The following VSTM4 variants were observed in gnomAD, a reference collection of about 807,000 sequenced individuals.
VSTM4 encodes the protein V-set and transmembrane domain containing 4.
In VSTM4, 20 loss-of-function variants were observed where a neutral mutation model predicts 36.4. That is an observed-to-expected ratio of 0.55 (90% confidence interval 0.39 to 0.80). The LOEUF is 0.80. Among genes scored for constraint, VSTM4 ranks in the 30% least tolerant of loss-of-function variants. The pLI, the probability that VSTM4 is intolerant of heterozygous loss-of-function variation, is 0.00. For missense variants in VSTM4, 392 were observed against 404.5 expected (o/e 0.97, Z 0.26); for synonymous variants, 182 against 173.9 (o/e 1.05, Z -0.37).
chr10:49,044,100 G>T (rs1843562678), intron 7 of VSTM4, among the ~76,000 whole-genome samples: 3 of 152,160 alleles, frequency 2.0e-5, no homozygotes, highest in Non-Finnish European at 4.4e-5. Context: ...CGCCGAGGTG[G>T]AAGGAACACT....
At chr10:49,068,366 G>T (rs747968007) in intron 4 of VSTM4, among the ~76,000 whole-genome samples, 12 of 152,168 alleles carry the variant, frequency 7.9e-5, no homozygotes, top group Admixed American at 5.2e-4. Context: ...GGAATGCAGG[G>T]AACAGTAGAG....
At position 49,016,899 on chromosome 10, in the gene VSTM4, A is replaced by G. The variant is rs1843112818; in HGVS notation, c.*2751T>C. ...TTCCTGTGCTGACTCCATGCCAACC[A>G]TGCCAAGGCCAAAACTCACCACCAA... On this transcript the variant is annotated 3_prime_UTR_variant, in exon 8 of 8. Transcript: ENST00000332853. The G allele has an allele frequency of 6.6e-6, 1 of 152,388 alleles. No individual in the cohort carries two copies. The highest frequency in any genetic ancestry group is 1.5e-5 in the Non-Finnish European group (1 of 68,072). The allele number at this position is 152,388 out of a possible 1,614,324, so 9.4% of individuals were successfully genotyped here.
intron 7 of VSTM4, among the ~76,000 whole-genome samples, chr10:49,046,403 A>G (rs1843611491): frequency 6.6e-6 from 1 of 152,244 alleles, no homozygotes; most frequent in Non-Finnish European, 1.5e-5. Context: ...GAGATCCTGG[A>G]TTTGGATCCT....
intron 2 of VSTM4, among the ~76,000 whole-genome samples, chr10:49,089,653 G>A (rs1844436257): frequency 6.6e-6 from 1 of 152,216 alleles, no homozygotes; most frequent in African/African-American, 2.4e-5. Flanking sequence ...TCACAGGACG[G>A]TGCAGCAACT....
chr10:49,074,580 T>G (rs1357792002), intron 4 of VSTM4, among the ~76,000 whole-genome samples: 1 of 152,192 alleles, frequency 6.6e-6, no homozygotes. Context: ...AGGCCCATCA[T>G]GCACGGTCCT....
intron 3 of VSTM4, among the ~76,000 whole-genome samples, chr10:49,082,055 A>G (rs963646824): frequency 1.3e-5 from 2 of 152,196 alleles, no homozygotes; most frequent in Non-Finnish European, 2.9e-5. Flanking sequence ...TTAAACTCTG[A>G]GCCATTGAAG....
In VSTM4 at chr10:49,019,764, A is replaced by G; in HGVS notation, c.849T>C (p.Ala283=). ...PQRKVTLPKI[A]EENLTYAELE... ...GTTCGGCATAGGTTAAGTTTTCCTC[A>G]GCAATCTTTGGCTATAAAAGAAAAA... The change falls in exon 8 of 8, where the codon GCT becomes GCC. Residue 283 remains alanine (A), a synonymous_variant. Coordinates refer to ENST00000332853, the MANE Select transcript of VSTM4 (RefSeq NM_001031746.5). 6.2e-7 allele frequency: 1 copy of G among 1,611,890 alleles called. No homozygotes were observed. The highest frequency in any genetic ancestry group is 8.5e-7 in the Non-Finnish European group (1 of 1,179,254).
chr10:49,096,891 G>C (rs1445676875), intron 2 of VSTM4, among the ~76,000 whole-genome samples: 2 of 152,032 alleles, frequency 1.3e-5, no homozygotes, highest in African/African-American at 4.8e-5. Flanking sequence ...CTGACCTCGT[G>C]ATCCACCCAC....
At chr10:49,039,072 C>A (rs1772823108) in intron 7 of VSTM4, among the ~76,000 whole-genome samples, 2 of 152,178 alleles carry the variant, frequency 1.3e-5, no homozygotes, top group Non-Finnish European at 2.9e-5. Flanking sequence ...AAGCAGGTCA[C>A]TGACGTGAAC....
intron 3 of VSTM4, among the ~76,000 whole-genome samples, chr10:49,084,738 C>A (rs1420495252): frequency 1.3e-5 from 2 of 152,236 alleles, no homozygotes; most frequent in Non-Finnish European, 2.9e-5. Flanking sequence ...TTTCACTGAT[C>A]CAAAGCTCTG....
At chr10:49,096,898 C>G (rs1844582019) in intron 2 of VSTM4, among the ~76,000 whole-genome samples, 1 of 152,018 alleles carries the variant, frequency 6.6e-6, no homozygotes, top group African/African-American at 2.4e-5. Context: ...CGTGATCCAC[C>G]CACCTCAACC....
chr10:49,096,663 G>GTA (rs1844576214), intron 2 of VSTM4, among the ~76,000 whole-genome samples: 5 of 145,926 alleles, frequency 3.4e-5, no homozygotes, highest in Non-Finnish European at 1.5e-5. Flanking sequence ...GTGTGTGTGT[G>GTA]TGTGTTTTGA....
intron 7 of VSTM4, among the ~76,000 whole-genome samples, chr10:49,038,699 T>C (rs988089234): frequency 2.6e-5 from 4 of 152,160 alleles, no homozygotes; most frequent in Non-Finnish European, 4.4e-5. Flanking sequence ...ATGAGCTCCG[T>C]GTGTGCTTAT....
At chr10:49,113,507 A>G (rs1189888418) in intron 1 of VSTM4, among the ~76,000 whole-genome samples, 1 of 152,216 alleles carries the variant, frequency 6.6e-6, no homozygotes, top group Non-Finnish European at 1.5e-5. Context: ...AAGAGGACTG[A>G]GGTACAGAGA....
intron 5 of VSTM4, among the ~76,000 whole-genome samples, chr10:49,061,132 T>C (rs1843870143): frequency 6.6e-6 from 1 of 152,228 alleles, no homozygotes; most frequent in African/African-American, 2.4e-5. Context: ...TGTACATATA[T>C]AATCTAGAAT....
chr10:49,105,213 C>CAGAGAGAGAGAGAGAGAGAGAG (rs376193769), intron 2 of VSTM4, among the ~76,000 whole-genome samples: 1 of 117,436 alleles, frequency 8.5e-6, no homozygotes, highest in Non-Finnish European at 1.7e-5. Context: ...GACAGAGAGA[C>CAGAGAGAGAGAGAGAGAGAGAG]AGAGAGAGAG....
intron 1 of VSTM4, among the ~76,000 whole-genome samples, chr10:49,114,286 G>T (rs145597180): frequency 6.6e-6 from 1 of 152,326 alleles, no homozygotes; most frequent in Non-Finnish European, 1.5e-5. Flanking sequence ...CTCAGACTGG[G>T]ATCTATGGAT....
At chr10:49,044,901 T>A (rs1843582785) in intron 7 of VSTM4, among the ~76,000 whole-genome samples, 1 of 152,210 alleles carries the variant, frequency 6.6e-6, no homozygotes, top group Admixed American at 6.5e-5. Flanking sequence ...GGGCTATAGA[T>A]CTTTTTTTCA....
chr10:49,084,469 A>G (rs1564587967), intron 3 of VSTM4, among the ~76,000 whole-genome samples: 1 of 152,210 alleles, frequency 6.6e-6, no homozygotes, highest in Admixed American at 6.5e-5. Context: ...ACATTTTCCT[A>G]AGACAGAATG....
Sources: gnomAD v4.1 joint callset for allele counts (sites outside exome capture counted in the v4.1 genomes callset) on GRCh38, gnomAD v4.1.1 for gene constraint, MANE v1.5 for transcripts, NCBI Gene and HGNC (gene_info 2026-07-23, HGNC 2026-07-21) for gene names.